GPHN: variants seen among roughly 807,000 people sequenced by gnomAD.
GPHN encodes gephyrin.
In GPHN, 17 loss-of-function variants were observed where a neutral mutation model predicts 95.5. The observed-to-expected ratio is 0.18, with a 90% CI of 0.12 to 0.27. The LOEUF (loss-of-function observed/expected upper bound fraction) is 0.27. GPHN is among the 10% of genes least tolerant of loss of function. The pLI is 1.00. For synonymous variants in GPHN, 320 were observed against 322.5 expected, an observed-to-expected ratio of 0.99 and a Z score of 0.08; for missense variants, 660 against 978.1, an observed-to-expected ratio of 0.67 and a Z score of 4.34.
chr14:67,618,377 T>C, the GPHN span, among the ~76,000 whole-genome samples: 1 of 152,100 alleles, frequency 6.6e-6, no homozygotes, highest in Non-Finnish European at 1.5e-5. Context: ...TGCTGCTTTT[T>C]ATTTTTATTT....
At chr14:67,164,369 G>A (rs2082151386) in intron 19 of GPHN, among the ~76,000 whole-genome samples, 1 of 151,670 alleles carries the variant, frequency 6.6e-6, no homozygotes, top group African/African-American at 2.4e-5. Context: ...AGAGGGAAGT[G>A]TTTATGTCTA....
intron 13 of GPHN, among the ~76,000 whole-genome samples, chr14:67,102,536 T>A (rs2077769401): frequency 6.6e-6 from 1 of 151,942 alleles, no homozygotes. Flanking sequence ...GGCACATGGC[T>A]GTAATCCCAG....
chr14:66,508,483 C>G lies in GPHN; in HGVS notation c.-45C>G. The G allele has an allele frequency of 2.5e-6, 4 of 1,594,242 alleles. No homozygotes were observed. Among genetic ancestry groups the G allele is most frequent in the Middle Eastern group, 1.7e-4 (1 of 6,022 alleles). ...CTCCCGGCCCGCGCGCTCCGGGCTC[C>G]GGTTTCTCCCGGCTCCTGTCAGTGC... On this transcript the variant is annotated 5_prime_UTR_variant, in exon 1 of 23. Transcript: ENST00000478722.
At chr14:67,020,659 T>A (rs1236889578) in intron 9 of GPHN, among the ~76,000 whole-genome samples, 1 of 152,148 alleles carries the variant, frequency 6.6e-6, no homozygotes, top group Non-Finnish European at 1.5e-5. Context: ...GTCCTTCATG[T>A]TTTTTATTTT....
chr14:66,534,406 T>C (rs902443469), intron 1 of GPHN, among the ~76,000 whole-genome samples: 4 of 152,208 alleles, frequency 2.6e-5, no homozygotes, highest in Admixed American at 6.5e-5. Context: ...TCGTTTATTA[T>C]GGTTATGACA....
At chr14:67,303,628 A>C in the GPHN span, 1 of 1,532,452 alleles carries the variant, frequency 6.5e-7, no homozygotes, top group South Asian at 1.1e-5. Flanking sequence ...TTCATTATTT[A>C]TGTGTTTGTG....
chr14:67,015,123 G>A (rs1386780080), intron 9 of GPHN, among the ~76,000 whole-genome samples: 2 of 152,146 alleles, frequency 1.3e-5, no homozygotes, highest in Admixed American at 6.5e-5. Context: ...TACCTATAAA[G>A]AAGCATAAAC....
At chr14:67,648,099 C>T in the GPHN span, 14 of 1,613,938 alleles carry the variant, frequency 8.7e-6, no homozygotes, top group South Asian at 1.1e-4. Flanking sequence ...TGACCCTACA[C>T]TGGCTCCAGC....
At chr14:67,260,345 T>C in the GPHN span, among the ~76,000 whole-genome samples, 1 of 152,194 alleles carries the variant, frequency 6.6e-6, no homozygotes, top group Admixed American at 6.5e-5. Flanking sequence ...ACAACCCTCC[T>C]CTCTCTCATT....
the GPHN span, among the ~76,000 whole-genome samples, chr14:67,641,149 T>C: frequency 6.6e-6 from 1 of 152,166 alleles, no homozygotes; most frequent in Non-Finnish European, 1.5e-5. Context: ...TCTGATGGTT[T>C]AATGCACACA....
chr14:67,680,036 GGA>G, the GPHN span, among the ~76,000 whole-genome samples: 1 of 152,156 alleles, frequency 6.6e-6, no homozygotes, highest in Non-Finnish European at 1.5e-5. Context: ...ACCAGCAGCA[GGA>G]GCATCAACTG....
chr14:67,471,353 G>A, the GPHN span: 19,256 of 152,272 alleles, frequency 0.13, 1,438 homozygotes, highest in African/African-American at 0.21. Flanking sequence ...TGTGGTCTAG[G>A]GGCCCACATG....
At chr14:67,431,696 A>ACAGCAG in the GPHN span, among the ~76,000 whole-genome samples, 4 of 151,764 alleles carry the variant, frequency 2.6e-5, no homozygotes, top group Non-Finnish European at 5.9e-5. Flanking sequence ...CAACTCAACA[A>ACAGCAG]CAGCAGCAGC....
intron 2 of GPHN, among the ~76,000 whole-genome samples, chr14:66,766,349 G>C (rs2058961419): frequency 6.6e-6 from 1 of 151,984 alleles, no homozygotes; most frequent in South Asian, 2.1e-4. Flanking sequence ...GAAGGGCCTT[G>C]GTAAACTTAG....
chr14:67,003,527 C>T (rs538448600), intron 9 of GPHN, among the ~76,000 whole-genome samples: 1 of 151,846 alleles, frequency 6.6e-6, no homozygotes, highest in South Asian at 2.1e-4. Flanking sequence ...ATCCTGTTTT[C>T]TTCCTTGGAC....
intron 18 of GPHN, among the ~76,000 whole-genome samples, chr14:67,149,683 A>G (rs2081135070): frequency 6.6e-6 from 1 of 152,222 alleles, no homozygotes; most frequent in Non-Finnish European, 1.5e-5. Context: ...GATGTTTAAG[A>G]AAATAACTAA....
chr14:67,239,117 G>A, the GPHN span, among the ~76,000 whole-genome samples: 1 of 152,206 alleles, frequency 6.6e-6, no homozygotes, highest in African/African-American at 2.4e-5. Context: ...CTAAGCAGCT[G>A]AGGAAGCAAG....
At chr14:66,760,015 C>G (rs1023681322) in intron 2 of GPHN, among the ~76,000 whole-genome samples, 13 of 152,134 alleles carry the variant, frequency 8.5e-5, no homozygotes, top group Non-Finnish European at 1.8e-4. Flanking sequence ...TTAAATAGCA[C>G]CACCCAATCT....
At chr14:67,323,472 G>A in the GPHN span, among the ~76,000 whole-genome samples, 2 of 151,576 alleles carry the variant, frequency 1.3e-5, no homozygotes, top group African/African-American at 2.4e-5. Flanking sequence ...AAAGTTAGCT[G>A]AACATGGTGG....
Sources: allele counts gnomAD v4.1 joint callset (sites outside exome capture counted in the v4.1 genomes callset), GRCh38; gene constraint gnomAD v4.1.1; transcripts MANE v1.5; gene names NCBI Gene and HGNC (gene_info 2026-07-23, HGNC 2026-07-21).